The following DLGAP3 variants were observed in gnomAD, a reference collection of about 807,000 sequenced individuals.
The protein encoded by DLGAP3 is DLG associated protein 3.
A neutral mutation model predicts 81.2 loss-of-function variants in DLGAP3; 17 were observed. The ratio of observed to expected loss-of-function variants is 0.21; its 90% CI spans 0.14 to 0.31. The LOEUF (loss-of-function observed/expected upper bound fraction) is 0.31, where lower values mean the gene tolerates loss of function less well. Ranked by LOEUF, DLGAP3 falls within the 10% of genes least tolerant of loss-of-function variation. The pLI is 1.00. For missense variants in DLGAP3, 1,124 were observed against 1,388.0 expected (o/e 0.81, Z 3.02); for synonymous variants, 577 against 587.4 (o/e 0.98, Z 0.26).
chr1:34,913,002 T>C (rs1291605345), intron 1 of DLGAP3, among the ~76,000 whole-genome samples: 2 of 152,264 alleles, frequency 1.3e-5, no homozygotes, highest in East Asian at 1.9e-4. Context: ...GGTGTCCTAG[T>C]CCCTGGCCTC....
chr1:34,867,522 C>T lies in DLGAP3; in HGVS notation c.2577+14G>A, dbSNP rs1638904816. 1 of 1,607,266 alleles carries T rather than the reference C, an allele frequency of 6.2e-7. No homozygotes were observed. Among genetic ancestry groups the T allele is most frequent in the Non-Finnish European group, 8.5e-7 (1 of 1,173,750 alleles). On this transcript the variant is annotated intron_variant, in intron 10 of 11. Coordinates refer to ENST00000373347, the MANE Select transcript of DLGAP3 (RefSeq NM_001080418.3). The surrounding 1 kb of genome is among the most constrained non-coding windows in gnomAD (Gnocchi z 4.3). The stretch of plus-strand genomic sequence containing the variant: ...CACATGTATCTGGTAGGATCTACTA[C>T]TATGGGCACTCACCATGCTTTGCTG...
At position 34,868,113 on chromosome 1, in the gene DLGAP3, C is replaced by T. The variant is rs956584530; in HGVS notation, c.2486-486G>A. Reference sequence around the variant, plus strand: ...GAGATTCTGGGGTAAGACTGTGTCTCCCAGTGGATCTGACTTACAGGAAGG... The same window carrying T: ...GAGATTCTGGGGTAAGACTGTGTCTTCCAGTGGATCTGACTTACAGGAAGG... On this transcript the variant is annotated intron_variant, in intron 9 of 11. Coordinates refer to ENST00000373347, the MANE Select transcript of DLGAP3 (RefSeq NM_001080418.3). The surrounding 1 kb of genome is among the most constrained non-coding windows in gnomAD (Gnocchi z 7.5). Among the ~76,000 whole-genome samples the T allele has an allele frequency of 2.0e-5, 3 of 152,318 alleles. No individual in the cohort carries two copies. The highest frequency in any genetic ancestry group is 6.5e-5 in the Admixed American group (1 of 15,308).
At chr1:34,879,514 T>C (rs777813770) in intron 8 of DLGAP3, among the ~76,000 whole-genome samples, 5 of 152,216 alleles carry the variant, frequency 3.3e-5, no homozygotes, top group Admixed American at 6.5e-5. Context: ...TACCAGTCCC[T>C]GGCCTGGGGT....
chr1:34,878,003 G>A (rs1447970733), intron 8 of DLGAP3, among the ~76,000 whole-genome samples: 1 of 152,110 alleles, frequency 6.6e-6, no homozygotes, highest in Non-Finnish European at 1.5e-5. Context: ...GCTATAAATC[G>A]CTTATAAGCA....
In DLGAP3 at chr1:34,886,261, G is replaced by A. The variant is rs780072825; in HGVS notation, c.1411C>T (p.Leu471=). The A allele has an allele frequency of 6.2e-7, 1 of 1,604,090 alleles. No individual in the cohort carries two copies. The highest frequency in any genetic ancestry group is 1.3e-5 in the African/African-American group (1 of 74,864). ...AACACCGACCCGCACACGGCCTCCA[G>A]CTGCTGGTTCAACTCATCGCTGAGC... The part of the protein sequence containing the change: ...GQLSDELNQQ[L]EAVCGSVFGE... Residue 471 remains leucine (L), a synonymous_variant, in exon 6 of 12, where the codon CTG becomes TTG. Transcript: ENST00000373347.
In DLGAP3 at chr1:34,904,706, A is replaced by G. The variant is rs1167992871; in HGVS notation, c.678T>C (p.His226=). Residue 226 remains histidine (H), a synonymous_variant, in exon 3 of 12, where the codon CAT becomes CAC. Coordinates refer to ENST00000373347, the MANE Select transcript of DLGAP3 (RefSeq NM_001080418.3). The surrounding 1 kb of genome is among the most constrained non-coding windows in gnomAD (Gnocchi z 8.1). ...GGTGGTGGTGGTGATGGTGGTGGTG[A>G]TGGTGGTGATGGGAGGTGTGGGGGC... ...SGGPHTSHHH[H]HHHHHHHHQS... is the part of the protein sequence containing the mutation. 1.9e-6 allele frequency: 3 copies of G among 1,612,986 alleles called. No homozygotes were observed. Among genetic ancestry groups the G allele is most frequent in the Admixed American group, 3.3e-5 (2 of 59,980 alleles).
intron 1 of DLGAP3, among the ~76,000 whole-genome samples, chr1:34,910,369 C>T (rs566214601): frequency 2.6e-5 from 4 of 152,318 alleles, no homozygotes; most frequent in South Asian, 2.1e-4. Context: ...GTTCTTACCC[C>T]GCTCCAATCC....
intron 8 of DLGAP3, among the ~76,000 whole-genome samples, chr1:34,877,771 A>G (rs1297885639): frequency 6.6e-6 from 1 of 152,260 alleles, no homozygotes; most frequent in Non-Finnish European, 1.5e-5. Flanking sequence ...TATCTGTCAA[A>G]TGTTTAAGGG....
intron 2 of DLGAP3, among the ~76,000 whole-genome samples, chr1:34,906,428 C>G (rs1486181400): frequency 6.6e-6 from 1 of 152,132 alleles, no homozygotes; most frequent in East Asian, 1.9e-4. Flanking sequence ...ATATCCAGCA[C>G]CATCCCACAG....
At chr1:34,869,444 G>T (rs1376408070) in intron 8 of DLGAP3, among the ~76,000 whole-genome samples, 1 of 151,300 alleles carries the variant, frequency 6.6e-6, no homozygotes, top group African/African-American at 2.4e-5. Flanking sequence ...GAGCCAGGGT[G>T]GTGGCTCTTT....
chr1:34,927,546 G>C (rs1474720349), intron 1 of DLGAP3, among the ~76,000 whole-genome samples: 1 of 152,156 alleles, frequency 6.6e-6, no homozygotes, highest in Admixed American at 6.5e-5. Context: ...AGTGGCGGGT[G>C]GGAGATGCGG....
intron 1 of DLGAP3, among the ~76,000 whole-genome samples, chr1:34,908,200 G>A (rs1639588177): frequency 6.6e-6 from 1 of 152,196 alleles, no homozygotes; most frequent in Admixed American, 6.5e-5. Flanking sequence ...TTTGCCCAGG[G>A]CCAGTCCTTA....
chr1:34,926,032 A>G (rs563066826), intron 1 of DLGAP3, among the ~76,000 whole-genome samples: 1 of 152,302 alleles, frequency 6.6e-6, no homozygotes, highest in South Asian at 2.1e-4. Context: ...TGCTGTGTAA[A>G]AACACATGAA....
chr1:34,871,657 C>T (rs976776538), intron 8 of DLGAP3, among the ~76,000 whole-genome samples: 8 of 152,222 alleles, frequency 5.3e-5, no homozygotes, highest in African/African-American at 1.4e-4. Context: ...CCAATAAATA[C>T]GTGCCTGATG....
At chr1:34,910,597 A>G (rs1639625648) in intron 1 of DLGAP3, among the ~76,000 whole-genome samples, 1 of 152,100 alleles carries the variant, frequency 6.6e-6, no homozygotes, top group Non-Finnish European at 1.5e-5. Flanking sequence ...GATCCCTCAC[A>G]TCACGGGGCC....
chr1:34,899,359 C>T (rs1639421734), intron 5 of DLGAP3, among the ~76,000 whole-genome samples: 1 of 152,220 alleles, frequency 6.6e-6, no homozygotes. Flanking sequence ...AGAGCCACTG[C>T]ACCCGGCCAA....
At chr1:34,892,919 T>A (rs1470605683) in intron 5 of DLGAP3, among the ~76,000 whole-genome samples, 2 of 152,074 alleles carry the variant, frequency 1.3e-5, no homozygotes, top group Non-Finnish European at 1.5e-5. Context: ...ACGCCTGTAA[T>A]CCCAGCACTT....
chr1:34,896,753 T>C (rs548164368), intron 5 of DLGAP3, among the ~76,000 whole-genome samples: 5 of 152,224 alleles, frequency 3.3e-5, no homozygotes, highest in African/African-American at 1.2e-4. Flanking sequence ...ATATAACTAT[T>C]AAACCAGTGT....
intron 5 of DLGAP3, among the ~76,000 whole-genome samples, chr1:34,893,865 T>A (rs1030117458): frequency 7.2e-5 from 11 of 152,296 alleles, no homozygotes; most frequent in African/African-American, 2.6e-4. Context: ...AAAAATAATA[T>A]GACAGTCCAA....
Sources: gnomAD v4.1 joint callset for allele counts (sites outside exome capture counted in the v4.1 genomes callset) on GRCh38, gnomAD v4.1.1 for gene constraint, Gnocchi (gnomAD v3.1) non-coding constraint, MANE v1.5 for transcripts, NCBI Gene and HGNC (gene_info 2026-07-23, HGNC 2026-07-21) for gene names.